The following MBOAT2 variants were observed in gnomAD, a reference collection of about 807,000 sequenced individuals.
The protein encoded by MBOAT2 is membrane-bound glycerophospholipid O-acyltransferase 2.
Under a neutral mutation model 63.4 loss-of-function variants are expected in MBOAT2, and 28 were observed. The observed-to-expected ratio is 0.44, with a 90% CI of 0.33 to 0.61. The LOEUF is 0.61. Ranked by LOEUF, MBOAT2 falls within the 20% of genes least tolerant of loss-of-function variation. The pLI is 0.03. For missense variants in MBOAT2, 470 were observed against 605.8 expected (o/e 0.78, Z 2.35); for synonymous variants, 211 against 215.6 (o/e 0.98, Z 0.19).
chr2:8,960,025 A>G (rs912048708), intron 1 of MBOAT2, among the ~76,000 whole-genome samples: 1 of 152,246 alleles, frequency 6.6e-6, no homozygotes, highest in African/African-American at 2.4e-5. Context: ...AAGGAGAAAA[A>G]CAGTAGAACG....
At chr2:8,983,002 T>C (rs1671306869) in intron 1 of MBOAT2, among the ~76,000 whole-genome samples, 1 of 152,148 alleles carries the variant, frequency 6.6e-6, no homozygotes, top group African/African-American at 2.4e-5. Flanking sequence ...ACAAGGTGTG[T>C]GCACAGAATA....
rs1055923919 is a variant in MBOAT2 at position 8,858,088 on chromosome 2, T to G, written c.*591A>C. The G allele has an allele frequency of 1.3e-5, 2 of 152,732 alleles. No individual in the cohort carries two copies. The highest frequency in any genetic ancestry group is 4.8e-5 in the African/African-American group (2 of 41,482). 9.5% of individuals were successfully genotyped at this position (152,732 alleles called of 1,614,324 possible). A position where few individuals can be genotyped will look rare whatever the true frequency, so the allele number is the denominator to read the frequency against. On this transcript the variant is annotated 3_prime_UTR_variant, in exon 13 of 13. Coordinates refer to ENST00000305997, the MANE Select transcript of MBOAT2 (RefSeq NM_138799.4). ...TTACTGTTTACAGTTTCACTATGGA[T>G]TGTAGTCATTTGACATACTTTAAGA...
chr2:8,993,928 C>T (rs1672088235), intron 1 of MBOAT2, among the ~76,000 whole-genome samples: 1 of 152,180 alleles, frequency 6.6e-6, no homozygotes, highest in Non-Finnish European at 1.5e-5. Context: ...ACACCCAAAA[C>T]GCCAGGTTCT....
chr2:8,929,939 G>T (rs1254392708), intron 3 of MBOAT2, among the ~76,000 whole-genome samples: 2 of 152,256 alleles, frequency 1.3e-5, no homozygotes, highest in African/African-American at 4.8e-5. Flanking sequence ...CCCCAAGAAA[G>T]CTATAAACAG....
At chr2:8,992,554 T>C (rs2103365417) in intron 1 of MBOAT2, among the ~76,000 whole-genome samples, 1 of 152,362 alleles carries the variant, frequency 6.6e-6, no homozygotes, top group East Asian at 1.9e-4. Context: ...GTTTTGTTTG[T>C]ACAAGCAGGG....
At chr2:8,929,631 G>C (rs1667179156) in intron 3 of MBOAT2, among the ~76,000 whole-genome samples, 1 of 152,220 alleles carries the variant, frequency 6.6e-6, no homozygotes, top group African/African-American at 2.4e-5. Flanking sequence ...AGGATTACAG[G>C]CGTGAGCCAC....
intron 4 of MBOAT2, among the ~76,000 whole-genome samples, chr2:8,891,858 A>G (rs1286682307): frequency 1.3e-5 from 2 of 152,208 alleles, no homozygotes; most frequent in East Asian, 3.8e-4. Flanking sequence ...AAGTGGTATT[A>G]CCGAAATTTC....
intron 7 of MBOAT2, among the ~76,000 whole-genome samples, chr2:8,876,186 C>A (rs1662686028): frequency 6.6e-6 from 1 of 152,184 alleles, no homozygotes; most frequent in Non-Finnish European, 1.5e-5. Context: ...AAGCAGCATC[C>A]CAGCAATTTC....
chr2:8,990,926 C>T (rs1671882946), intron 1 of MBOAT2, among the ~76,000 whole-genome samples: 1 of 152,132 alleles, frequency 6.6e-6, no homozygotes, highest in African/African-American at 2.4e-5. Flanking sequence ...ACTAAGGACC[C>T]CTTAACTATC....
At chr2:8,960,962 A>G (rs563670396) in intron 1 of MBOAT2, among the ~76,000 whole-genome samples, 33 of 152,354 alleles carry the variant, frequency 2.2e-4, no homozygotes, top group South Asian at 1.0e-3. Context: ...GCCAGGGATC[A>G]TGGGAGATGA....
chr2:8,888,015 T>C lies in MBOAT2; in HGVS notation c.451+3A>G, dbSNP rs537296146. 3.4e-5 allele frequency: 54 copies of C among 1,611,900 alleles called. No homozygotes were observed. The highest frequency in any genetic ancestry group is 4.5e-5 in the Non-Finnish European group (53 of 1,178,424). ...CAATAAAAATTAATTTCAGAATTCT[T>C]ACCATCATGAATTTCGCAAGCCAAA... On this transcript the variant is annotated splice_donor_region_variant and intron_variant, in intron 5 of 12. Transcript: ENST00000305997.
In MBOAT2 at chr2:8,858,811, G is replaced by C. The variant is rs1558541249; in HGVS notation, c.1431C>G (p.Asn477Lys). 1 of 1,613,902 alleles carries C rather than the reference G, an allele frequency of 6.2e-7. No individual in the cohort carries two copies. The highest frequency in any genetic ancestry group is 8.5e-7 in the Non-Finnish European group (1 of 1,179,926). ...KTQRRKNTHE[N>K]IQLSQSKKFD... Reference sequence around the variant, plus strand: ...ACTTTTTGGATTGTGAGAGCTGAATGTTTTCATGTGTATTCTTTCTTCTTT... The same window carrying C: ...ACTTTTTGGATTGTGAGAGCTGAATCTTTTCATGTGTATTCTTTCTTCTTT... Residue 477 changes from asparagine to lysine, a missense_variant, in exon 13 of 13, where the codon AAC becomes AAG. Around this residue, in one of 3 missense-constraint regions of MBOAT2, gnomAD observed 90 missense variants for 84.9 expected, o/e 1.06. Coordinates refer to ENST00000305997, the MANE Select transcript of MBOAT2 (RefSeq NM_138799.4).
At chr2:8,966,972 C>G (rs1174660462) in intron 1 of MBOAT2, among the ~76,000 whole-genome samples, 1 of 152,132 alleles carries the variant, frequency 6.6e-6, no homozygotes, top group Non-Finnish European at 1.5e-5. Context: ...TAAATATATT[C>G]TGGTTTATCT....
chr2:8,986,839 C>G (rs780673604), intron 1 of MBOAT2, among the ~76,000 whole-genome samples: 7 of 152,224 alleles, frequency 4.6e-5, no homozygotes, highest in Admixed American at 6.5e-5. Context: ...AAAGACCACG[C>G]GAGCACACCC....
chr2:8,962,171 C>T (rs546262782), intron 1 of MBOAT2, among the ~76,000 whole-genome samples: 1 of 152,276 alleles, frequency 6.6e-6, no homozygotes, highest in African/African-American at 2.4e-5. Flanking sequence ...CACAATAACC[C>T]TATGAGGAGA....
intron 4 of MBOAT2, among the ~76,000 whole-genome samples, chr2:8,895,253 CTACAGAGTGCTGATTGGCCCATTT>C: frequency 6.6e-6 from 1 of 152,166 alleles, no homozygotes; most frequent in Non-Finnish European, 1.5e-5. Context: ...TAGGTCCATT[CTACAGAGTGCTGATTGGCCCATTT>C]TACAGAGTGC....
intron 6 of MBOAT2, 45 bp downstream of exon 6, chr2:8,882,466 C>T: frequency 1.3e-6 from 2 of 1,599,794 alleles, no homozygotes; most frequent in Admixed American, 3.3e-5. Context: ...GGGTCCTAGG[C>T]AGGGGCGCAG....
chr2:8,913,570 T>A (rs1344072430), intron 3 of MBOAT2, among the ~76,000 whole-genome samples: 1 of 151,874 alleles, frequency 6.6e-6, no homozygotes, highest in Non-Finnish European at 1.5e-5. Flanking sequence ...AACAAACATA[T>A]GAAAAAATGC....
At chr2:8,957,364 T>C (rs1169255447) in intron 2 of MBOAT2, among the ~76,000 whole-genome samples, 1 of 152,206 alleles carries the variant, frequency 6.6e-6, no homozygotes, top group Non-Finnish European at 1.5e-5. Flanking sequence ...GACTTGGGTC[T>C]TATTTAAGAG....
Sources: gnomAD v4.1 joint callset for allele counts (sites outside exome capture counted in the v4.1 genomes callset) on GRCh38, gnomAD v4.1.1 for gene constraint, gnomAD v4.1.1 regional missense constraint, MANE v1.5 for transcripts, NCBI Gene and HGNC (gene_info 2026-07-23, HGNC 2026-07-21) for gene names.